Variants in PDE4B observed in about 807,000 individuals in gnomAD.
PDE4B encodes the protein phosphodiesterase 4B, also known as 3',5'-cyclic-AMP phosphodiesterase 4B.
A neutral mutation model predicts 82.2 loss-of-function variants in PDE4B; 20 were observed. That is an observed-to-expected ratio of 0.24 (90% CI 0.17 to 0.35). The LOEUF (loss-of-function observed/expected upper bound fraction) is 0.35. PDE4B is among the 10% of genes least tolerant of loss of function. PDE4B has a pLI of 1.00. For missense variants in PDE4B, 655 were observed against 907.2 expected (o/e 0.72, Z 3.57); for synonymous variants, 320 against 318.9 (o/e 1.00, Z -0.04).
intron 7 of PDE4B, among the ~76,000 whole-genome samples, chr1:66,289,774 A>G (rs1656939972): frequency 6.6e-6 from 1 of 152,118 alleles, no homozygotes. Context: ...GATTGGAAAG[A>G]GAGGATATGA....
chr1:66,069,128 C>T (rs1656020753), intron 3 of PDE4B, among the ~76,000 whole-genome samples: 1 of 152,006 alleles, frequency 6.6e-6, no homozygotes, highest in South Asian at 2.1e-4. Flanking sequence ...TAACACCCTG[C>T]TGTGTTCTTA....
At chr1:65,974,486 C>T (rs1650306621) in intron 3 of PDE4B, among the ~76,000 whole-genome samples, 1 of 152,164 alleles carries the variant, frequency 6.6e-6, no homozygotes, top group Non-Finnish European at 1.5e-5. Flanking sequence ...TCCCTTCTCC[C>T]TGGGTCATGG....
At chr1:65,928,544 A>G (rs531323793) in intron 3 of PDE4B, among the ~76,000 whole-genome samples, 24 of 152,236 alleles carry the variant, frequency 1.6e-4, no homozygotes, top group Admixed American at 1.3e-3. Flanking sequence ...CTCCCATTGT[A>G]TTTAAATTTT....
At chr1:66,040,368 A>G (rs1201412855) in intron 3 of PDE4B, among the ~76,000 whole-genome samples, 1 of 152,006 alleles carries the variant, frequency 6.6e-6, no homozygotes, top group Non-Finnish European at 1.5e-5. Flanking sequence ...ACTCACCAGG[A>G]AGAAGGGGGC....
intron 1 of PDE4B, among the ~76,000 whole-genome samples, chr1:65,836,689 A>G (rs1031136922): frequency 2.6e-5 from 4 of 151,346 alleles, no homozygotes; most frequent in Non-Finnish European, 5.9e-5. Context: ...TTACATTTCT[A>G]TCTGTATTGC....
At chr1:66,278,557 A>C (rs900745022) in intron 7 of PDE4B, among the ~76,000 whole-genome samples, 2 of 152,216 alleles carry the variant, frequency 1.3e-5, no homozygotes, top group African/African-American at 2.4e-5. Flanking sequence ...AGAGCCAGTC[A>C]TCCTACTAAG....
At chr1:65,966,661 C>A (rs941000852) in intron 3 of PDE4B, among the ~76,000 whole-genome samples, 1 of 152,096 alleles carries the variant, frequency 6.6e-6, no homozygotes, top group Non-Finnish European at 1.5e-5. Context: ...TACAAGGTTA[C>A]AGTAACCAAA....
chr1:66,094,821 T>A (rs1306800342), intron 3 of PDE4B, among the ~76,000 whole-genome samples: 1 of 151,992 alleles, frequency 6.6e-6, no homozygotes, highest in African/African-American at 2.4e-5. Context: ...TTTGTCCTCA[T>A]AACCTTTGCA....
In PDE4B at chr1:66,372,447, C is replaced by G; in HGVS notation, c.1980C>G (p.Pro660=). 1.2e-6 allele frequency: 2 copies of G among 1,614,108 alleles called. No individual in the cohort carries two copies. Among genetic ancestry groups the G allele is most frequent in the Non-Finnish European group, 1.7e-6 (2 of 1,180,000 alleles). The change falls in exon 17 of 17, where the codon CCC becomes CCG. Residue 660 remains proline, a synonymous_variant. Coordinates refer to ENST00000341517, the MANE Select transcript of PDE4B (RefSeq NM_002600.4). ...NWYQSMIPQS[P]SPPLDEQNRD... ...ATCAGAGCATGATACCTCAAAGTCC[C>G]TCACCACCACTGGACGAGCAGAACA...
chr1:66,225,534 AG>A (rs1240396624), intron 3 of PDE4B, among the ~76,000 whole-genome samples: 2 of 152,230 alleles, frequency 1.3e-5, no homozygotes, highest in Non-Finnish European at 2.9e-5. Flanking sequence ...GTTTCTCCCT[AG>A]GCACAGGTAT....
intron 3 of PDE4B, among the ~76,000 whole-genome samples, chr1:66,016,873 G>A (rs61796570): frequency 0.15 from 22,102 of 152,142 alleles, 2,119 homozygotes; most frequent in Middle Eastern, 0.22. Context: ...TGCTTTCAAC[G>A]CCAAGTCAGA....
intron 3 of PDE4B, among the ~76,000 whole-genome samples, chr1:66,079,723 A>G (rs762536027): frequency 1.4e-4 from 21 of 152,162 alleles, no homozygotes; most frequent in Admixed American, 9.2e-4. Context: ...AGGAAAAAAT[A>G]TTTTGTATAA....
intron 3 of PDE4B, among the ~76,000 whole-genome samples, chr1:66,144,582 C>G (rs1036141130): frequency 2.6e-5 from 4 of 152,162 alleles, no homozygotes; most frequent in African/African-American, 9.7e-5. Flanking sequence ...ACATGACACT[C>G]AAAGGGAATG....
At chr1:65,829,832 A>T (rs1256805623) in intron 1 of PDE4B, among the ~76,000 whole-genome samples, 1 of 152,196 alleles carries the variant, frequency 6.6e-6, no homozygotes, top group African/African-American at 2.4e-5. Context: ...ATAGTCAGAG[A>T]TGTTGGTACG....
At chr1:65,821,803 C>T (rs1358859058) in intron 1 of PDE4B, among the ~76,000 whole-genome samples, 2 of 152,190 alleles carry the variant, frequency 1.3e-5, no homozygotes, top group African/African-American at 4.8e-5. Context: ...TAAAAAATGT[C>T]ACCCTTAAAA....
At chr1:65,994,429 A>G (rs1651421108) in intron 3 of PDE4B, among the ~76,000 whole-genome samples, 1 of 152,122 alleles carries the variant, frequency 6.6e-6, no homozygotes, top group African/African-American at 2.4e-5. Flanking sequence ...TTGATGTATT[A>G]CATCATGTTG....
chr1:66,204,352 G>T (rs1649343340), intron 3 of PDE4B, among the ~76,000 whole-genome samples: 1 of 152,264 alleles, frequency 6.6e-6, no homozygotes, highest in African/African-American at 2.4e-5. Flanking sequence ...TGTGCTGGGA[G>T]AACCTCTACT....
intron 7 of PDE4B, among the ~76,000 whole-genome samples, chr1:66,302,654 A>C (rs1657978594): frequency 1.3e-5 from 2 of 152,210 alleles, no homozygotes; most frequent in South Asian, 4.1e-4. Context: ...ATGTTCCGAA[A>C]GATAAAGTGA....
intron 3 of PDE4B, among the ~76,000 whole-genome samples, chr1:66,200,912 C>T (rs1648863675): frequency 6.6e-6 from 1 of 152,134 alleles, no homozygotes. Flanking sequence ...GAGGACATCC[C>T]TGTCTTGTGC....
Sources: gnomAD v4.1 joint callset for allele counts (sites outside exome capture counted in the v4.1 genomes callset) on GRCh38, gnomAD v4.1.1 for gene constraint, MANE v1.5 for transcripts, NCBI Gene and HGNC (gene_info 2026-07-23, HGNC 2026-07-21) for gene names.